The following NTRK1 variants were observed in gnomAD, a reference collection of about 807,000 sequenced individuals.
The protein encoded by NTRK1 is neurotrophic receptor tyrosine kinase 1, also known as high affinity nerve growth factor receptor.
A neutral mutation model predicts 86.8 loss-of-function variants in NTRK1; 62 were observed. That is an observed-to-expected ratio of 0.71 (90% CI 0.58 to 0.88). The LOEUF (loss-of-function observed/expected upper bound fraction) is 0.88, where lower values mean the gene tolerates loss of function less well. Among genes scored for constraint, NTRK1 ranks in the 40% least tolerant of loss-of-function variants. The pLI is 0.00. For missense variants in NTRK1, 967 were observed against 1,078.4 expected, an observed-to-expected ratio of 0.90 and a Z score of 1.45; for synonymous variants, 469 against 456.6, an observed-to-expected ratio of 1.03 and a Z score of -0.35.
chr1:156,862,402 T>C (rs958384115), intron 1 of NTRK1, among the ~76,000 whole-genome samples: 5 of 152,144 alleles, frequency 3.3e-5, no homozygotes, highest in Admixed American at 2.0e-4. Flanking sequence ...GGCCTTCAGA[T>C]TGGGGTCCAG....
At chr1:156,851,671 G>A in intron 2 of NTRK1, 1 of 1,614,194 alleles carries the variant, frequency 6.2e-7, no homozygotes, top group Non-Finnish European at 8.5e-7. Context: ...TGAGGATGAG[G>A]CTTCCCTCCA....
chr1:156,853,746 G>A (rs747411662), intron 2 of NTRK1: 16 of 1,592,262 alleles, frequency 1.0e-5, no homozygotes, highest in South Asian at 5.6e-5. Flanking sequence ...CTGTGCCAGT[G>A]CCCACCTCTC....
intron 1 of NTRK1, among the ~76,000 whole-genome samples, chr1:156,839,860 G>C (rs1046383899): frequency 4.6e-5 from 7 of 152,200 alleles, no homozygotes; most frequent in African/African-American, 1.7e-4. Flanking sequence ...CTGAGCAGGA[G>C]ATAATAGCAA....
chr1:156,864,803 A>G lies in NTRK1; in HGVS notation c.359+4A>G, dbSNP rs1437977891. The stretch of plus-strand genomic sequence containing the variant: ...TCACTCCTCGGCTCAGTCGCCTGTG[A>G]GTGTGGCCAGTGCTGGGCAGTGGGA... On this transcript the variant is annotated splice_donor_region_variant and intron_variant, in intron 3 of 16. Transcript: ENST00000524377. 2 of 1,612,340 alleles carry G rather than the reference A, an allele frequency of 1.2e-6. No individual in the cohort carries two copies. Among genetic ancestry groups the G allele is most frequent in the Admixed American group, 1.7e-5 (1 of 59,836 alleles).
At chr1:156,849,576 C>T (rs925691414) in intron 2 of NTRK1, 28 of 719,184 alleles carry the variant, frequency 3.9e-5, no homozygotes, top group Middle Eastern at 3.8e-4. Flanking sequence ...GAGGGGCACT[C>T]AGTGGCTGGC....
Position 156,861,066 on chromosome 1 carries a change from C to A in NTRK1, c.132C>A (p.Gly44=). ...APCPDACCPH[G]SSGLRCTRDG... is the part of the protein sequence containing the mutation. ...GCCCCGATGCCTGCTGCCCCCACGG[C>A]TCCTCGGGACTGCGATGCACCCGGG... Residue 44 remains glycine (G), a synonymous_variant, in exon 1 of 17, where the codon GGC becomes GGA. Transcript: ENST00000524377. 1 of 1,569,044 alleles carries A rather than the reference C, an allele frequency of 6.4e-7. No individual in the cohort carries two copies. Among genetic ancestry groups the A allele is most frequent in the Non-Finnish European group, 8.6e-7 (1 of 1,161,800 alleles).
intron 1 of NTRK1, among the ~76,000 whole-genome samples, chr1:156,822,670 T>C (rs997518672): frequency 1.3e-5 from 2 of 151,626 alleles, no homozygotes; most frequent in African/African-American, 4.8e-5. Context: ...GAGGCTCTAA[T>C]TGATATTCGT....
At chr1:156,849,076 C>A in intron 2 of NTRK1, 1 of 1,603,690 alleles carries the variant, frequency 6.2e-7, no homozygotes, top group Non-Finnish European at 8.5e-7. Context: ...CTGCTCGCAA[C>A]CGCGCCTGCC....
Position 156,876,645 on chromosome 1 carries a change from C to A in NTRK1, c.1805+73C>A, listed in dbSNP as rs1424028930. On this transcript the variant is annotated intron_variant, in intron 14 of 16. Transcript: ENST00000524377. ...CCCGTCTTCCCTTCCCTATAGACATCCCTGCTTGTCTTTCAAACCAAGGGG... is the reference window on the plus strand; with the variant it reads ...CCCGTCTTCCCTTCCCTATAGACATACCTGCTTGTCTTTCAAACCAAGGGG... The A allele has an allele frequency of 3.3e-6, 5 of 1,515,874 alleles. No homozygotes were observed. In the East Asian group the frequency reaches 1.2e-4, roughly 37 times the overall value. 93.9% of individuals were successfully genotyped at this position (1,515,874 alleles called of 1,614,324 possible). A position where few individuals can be genotyped will look rare whatever the true frequency, so the allele number is the denominator to read the frequency against.
intron 2 of NTRK1, among the ~76,000 whole-genome samples, chr1:156,847,500 T>G (rs1655053138): frequency 6.6e-6 from 1 of 152,076 alleles, no homozygotes; most frequent in Non-Finnish European, 1.5e-5. Flanking sequence ...CACATTGATG[T>G]TCATGATAAT....
At chr1:156,843,598 T>G in intron 2 of NTRK1, 2 of 1,059,990 alleles carry the variant, frequency 1.9e-6, no homozygotes, top group Non-Finnish European at 2.9e-6. Context: ...ACCCCCAGCC[T>G]TGGTCAGGGT....
intron 2 of NTRK1, among the ~76,000 whole-genome samples, chr1:156,847,494 T>C (rs1655052792): frequency 6.6e-6 from 1 of 152,074 alleles, no homozygotes; most frequent in East Asian, 1.9e-4. Flanking sequence ...GAACATCACA[T>C]TGATGTTCAT....
intron 1 of NTRK1, among the ~76,000 whole-genome samples, chr1:156,831,030 C>T (rs999626470): frequency 1.3e-5 from 2 of 152,210 alleles, no homozygotes; most frequent in African/African-American, 4.8e-5. Context: ...TTTATCTCTC[C>T]CTTCAACCCT....
At chr1:156,851,731 C>A in intron 2 of NTRK1, 1 of 1,614,182 alleles carries the variant, frequency 6.2e-7, no homozygotes, top group South Asian at 1.1e-5. Flanking sequence ...AGTCGATGGT[C>A]TTGGTGCCTA....
intron 2 of NTRK1, chr1:156,845,549 C>G: frequency 1.4e-6 from 2 of 1,379,700 alleles, no homozygotes; most frequent in Non-Finnish European, 1.9e-6. Context: ...AAACCCCACC[C>G]CTCCCGCAAG....
At chr1:156,836,363 C>T (rs112662206) in intron 1 of NTRK1, among the ~76,000 whole-genome samples, 36 of 152,344 alleles carry the variant, frequency 2.4e-4, no homozygotes, top group African/African-American at 8.4e-4. Flanking sequence ...CTCCCTACCG[C>T]TGCCTCTCTC....
Position 156,876,585 on chromosome 1 carries a change from G to A in NTRK1, c.1805+13G>A. ...ACCGCTTCCTCCGGTACCAGCACCT[G>A]GCCTCAGCGCTGGCCCCGGCCCCTG... is the stretch of plus-strand genomic sequence containing the variant. On this transcript the variant is annotated intron_variant, in intron 14 of 16. Transcript: ENST00000524377. The A allele has an allele frequency of 6.2e-7, 1 of 1,607,856 alleles. No homozygotes were observed. The highest frequency in any genetic ancestry group is 8.5e-7 in the Non-Finnish European group (1 of 1,177,924).
At chr1:156,851,259 A>C in intron 2 of NTRK1, 1 of 1,613,296 alleles carries the variant, frequency 6.2e-7, no homozygotes, top group Non-Finnish European at 8.5e-7. Flanking sequence ...GGAGTGTAAT[A>C]GAAGGAGCTG....
rs2644598 is a variant in NTRK1 at position 156,854,663 on chromosome 1, C to T, written c.51-9691C>T. Among the ~76,000 whole-genome samples the T allele has an allele frequency of 3.2e-4, 49 of 152,328 alleles. No homozygotes were observed. Among genetic ancestry groups the T allele is most frequent in the Non-Finnish European group, 5.4e-4 (37 of 68,032 alleles). ...TAACACCTTTCTTTTTCACCTTGTACGTCCTGTGGGTTTATCTTTAAAATA... is the reference window on the plus strand; with the variant it reads ...TAACACCTTTCTTTTTCACCTTGTATGTCCTGTGGGTTTATCTTTAAAATA... On this transcript the variant is annotated intron_variant, in intron 2 of 16. Transcript: ENST00000392302. The surrounding 1 kb of genome is among the most constrained non-coding windows in gnomAD (Gnocchi z 4.2).
Sources: allele counts gnomAD v4.1 joint callset (sites outside exome capture counted in the v4.1 genomes callset), GRCh38; gene constraint gnomAD v4.1.1; non-coding constraint Gnocchi (gnomAD v3.1); transcripts MANE v1.5; gene names NCBI Gene and HGNC (gene_info 2026-07-23, HGNC 2026-07-21).